Variants in MSI2 observed in about 807,000 individuals in gnomAD.
MSI2 encodes musashi RNA binding protein 2.
Under a neutral mutation model 45.6 loss-of-function variants are expected in MSI2, and 17 were observed. The ratio of observed to expected loss-of-function variants is 0.37; its 90% CI spans 0.26 to 0.56. The LOEUF (loss-of-function observed/expected upper bound fraction) is 0.56. Ranked by LOEUF, MSI2 falls within the 20% of genes least tolerant of loss-of-function variation. The pLI is 0.77. For missense variants in MSI2, 293 were observed against 444.2 expected (o/e 0.66, Z 3.06); for synonymous variants, 156 against 158.2 (o/e 0.99, Z 0.11).
At chr17:57,468,877 T>A (rs1237945026) in intron 6 of MSI2, among the ~76,000 whole-genome samples, 1 of 152,168 alleles carries the variant, frequency 6.6e-6, no homozygotes, top group Non-Finnish European at 1.5e-5. Context: ...GACCTCTCTC[T>A]CCTTGAGACA....
chr17:57,618,730 G>A (rs1712146310), intron 9 of MSI2, among the ~76,000 whole-genome samples: 5 of 152,120 alleles, frequency 3.3e-5, no homozygotes, highest in Admixed American at 3.3e-4. Flanking sequence ...TTTTAGTAGA[G>A]ACGGGATTTC....
At chr17:57,306,628 G>A (rs978384874) in intron 5 of MSI2, among the ~76,000 whole-genome samples, 3 of 152,248 alleles carry the variant, frequency 2.0e-5, no homozygotes, top group Non-Finnish European at 2.9e-5. Context: ...CTGTTCCCAG[G>A]AACTGGGGGT....
intron 4 of MSI2, among the ~76,000 whole-genome samples, chr17:57,258,749 C>A (rs1907047610): frequency 6.6e-6 from 1 of 152,102 alleles, no homozygotes. Context: ...GCTTTGTGGC[C>A]AAGGGGGACA....
chr17:57,687,774 A>G (rs1294164637), downstream of MSI2, among the ~76,000 whole-genome samples: 1 of 152,078 alleles, frequency 6.6e-6, no homozygotes, highest in African/African-American at 2.4e-5. Context: ...AAAACAAAAA[A>G]TATATCTACA....
chr17:57,553,317 G>A (rs889023858), intron 7 of MSI2, among the ~76,000 whole-genome samples: 2 of 152,192 alleles, frequency 1.3e-5, no homozygotes, highest in African/African-American at 2.4e-5. Context: ...CAGAATGAAT[G>A]TATCATCTTT....
At chr17:57,663,285 G>A (rs1053615066) in intron 11 of MSI2, among the ~76,000 whole-genome samples, 1 of 152,220 alleles carries the variant, frequency 6.6e-6, no homozygotes, top group Non-Finnish European at 1.5e-5. Context: ...TTGTTTTGTA[G>A]ATGAGTAATT....
At chr17:57,512,865 A>G (rs2086384173) in intron 6 of MSI2, among the ~76,000 whole-genome samples, 1 of 152,086 alleles carries the variant, frequency 6.6e-6, no homozygotes, top group Non-Finnish European at 1.5e-5. Flanking sequence ...GACATGAACA[A>G]TACTAGATCT....
intron 5 of MSI2, among the ~76,000 whole-genome samples, chr17:57,392,584 T>TC (rs1331550094): frequency 6.6e-6 from 1 of 152,214 alleles, no homozygotes; most frequent in Admixed American, 6.5e-5. Flanking sequence ...ACCCTGGTGC[T>TC]CTCTGGCTAA....
intron 5 of MSI2, among the ~76,000 whole-genome samples, chr17:57,312,887 G>A (rs910125400): frequency 6.6e-6 from 1 of 152,082 alleles, no homozygotes; most frequent in Admixed American, 6.6e-5. Context: ...TCGCTCTGTT[G>A]CCAGGCTGGA....
In MSI2 at chr17:57,548,446, AAAG is replaced by A. The variant is rs1159114452; in HGVS notation, c.454+18728_454+18730del. 2.6e-5 allele frequency among the ~76,000 whole-genome samples: 4 copies of A among 152,344 alleles called. No homozygotes were observed. The East Asian group carries it at 7.7e-4, about 29-fold the overall frequency. Reference sequence around the variant, plus strand: ...CAAGCTTTCTTTCAAAAGATCTGCCAAAGAAGAAAGGGTAATTAATAGGCTTGA... The same window carrying A: ...CAAGCTTTCTTTCAAAAGATCTGCCAAAGAAAGGGTAATTAATAGGCTTGA... On this transcript the variant is annotated intron_variant, in intron 7 of 13. Transcript: ENST00000284073.
chr17:57,308,234 ATAATGT>A (rs934957045), intron 5 of MSI2, among the ~76,000 whole-genome samples: 8 of 152,210 alleles, frequency 5.3e-5, no homozygotes, highest in African/African-American at 1.9e-4. Flanking sequence ...GGTAAATCAA[ATAATGT>A]TAGCTACTCC....
At chr17:57,435,476 T>G (rs898825279) in intron 6 of MSI2, among the ~76,000 whole-genome samples, 3 of 152,178 alleles carry the variant, frequency 2.0e-5, no homozygotes, top group African/African-American at 2.4e-5. Context: ...ACAAGATCAG[T>G]GTTTTTAAAG....
chr17:57,472,542 C>T (rs2085458013), intron 6 of MSI2, among the ~76,000 whole-genome samples: 3 of 152,236 alleles, frequency 2.0e-5, no homozygotes, highest in South Asian at 2.1e-4. Flanking sequence ...TGGGGACTTC[C>T]TTTGGGGCCA....
chr17:57,576,885 T>C (rs972277961), intron 7 of MSI2, among the ~76,000 whole-genome samples: 4 of 152,000 alleles, frequency 2.6e-5, no homozygotes, highest in African/African-American at 9.7e-5. Flanking sequence ...CTGTTAAGTT[T>C]TCTTTGAGGC....
intron 10 of MSI2, among the ~76,000 whole-genome samples, chr17:57,640,118 A>G (rs968870301): frequency 1.4e-4 from 21 of 152,128 alleles, no homozygotes; most frequent in Non-Finnish European, 2.8e-4. Flanking sequence ...CCCTGTTTCA[A>G]GGGCAGCACA....
At chr17:57,694,316 G>A in the MSI2 span, among the ~76,000 whole-genome samples, 1 of 152,166 alleles carries the variant, frequency 6.6e-6, no homozygotes, top group African/African-American at 2.4e-5. Context: ...TTCTTAAGAT[G>A]GAGGCTGGGT....
At chr17:57,668,921 C>T (rs1450677060) in intron 11 of MSI2, among the ~76,000 whole-genome samples, 1 of 152,196 alleles carries the variant, frequency 6.6e-6, no homozygotes, top group East Asian at 1.9e-4. Flanking sequence ...TTTAACTTAG[C>T]ATGTCATACA....
chr17:57,674,594 GA>G (rs1040331179), intron 11 of MSI2, among the ~76,000 whole-genome samples: 15 of 147,698 alleles, frequency 1.0e-4, no homozygotes, highest in Non-Finnish European at 1.9e-4. Flanking sequence ...ATTCAGATGT[GA>G]AAAAAAAACT....
intron 5 of MSI2, among the ~76,000 whole-genome samples, chr17:57,311,049 G>C (rs1176849764): frequency 1.3e-5 from 2 of 152,330 alleles, no homozygotes; most frequent in African/African-American, 4.8e-5. Flanking sequence ...TGCAACATGT[G>C]TCAAATTCCT....
Sources: allele counts gnomAD v4.1 joint callset (sites outside exome capture counted in the v4.1 genomes callset), GRCh38; gene constraint gnomAD v4.1.1; transcripts MANE v1.5; gene names NCBI Gene and HGNC (gene_info 2026-07-23, HGNC 2026-07-21).